The following SEMA3F variants were observed in gnomAD, a reference collection of about 807,000 sequenced individuals.
SEMA3F encodes semaphorin-3F.
In SEMA3F, 30 loss-of-function variants were observed where a neutral mutation model predicts 98.5. The observed-to-expected ratio is 0.30, with a 90% CI of 0.23 to 0.41. The LOEUF is 0.41. Among genes scored for constraint, SEMA3F ranks in the 10% least tolerant of loss-of-function variants. The pLI is 1.00. For missense variants in SEMA3F, 866 were observed against 1,119.3 expected, an observed-to-expected ratio of 0.77 and a Z score of 3.23; for synonymous variants, 380 against 444.8, an observed-to-expected ratio of 0.85 and a Z score of 1.83.
rs541227214 is a variant in SEMA3F, at chr3:50,158,534, C to T, written c.-48-1041C>T. 4.5e-4 allele frequency among the ~76,000 whole-genome samples: 68 copies of T among 152,322 alleles called. No homozygotes were observed. Among genetic ancestry groups the T allele is most frequent in the African/African-American group, 1.6e-3 (66 of 41,574 alleles). ...GGGGAGTCCCAGGCCATAGTACTGC[C>T]AACTCCCATCCCAGCATCCTAGAGA... On this transcript the variant is annotated intron_variant, in intron 1 of 18. Coordinates refer to ENST00000002829, the MANE Select transcript of SEMA3F (RefSeq NM_004186.5). The surrounding 1 kb of genome is among the most constrained non-coding windows in gnomAD (Gnocchi z 4.8).
In SEMA3F at chr3:50,187,914, C is replaced by T. The variant is rs758070625; in HGVS notation, c.2157C>T (p.Gly719=). ...CCATGAGCGCCCCGCCACCCCCAGG[C>T]GCAGGCCCCCCAACGCCTCCTTACC... ...PLSMSAPPPP[G]AGPPTPPYQE... Residue 719 remains glycine (G), a synonymous_variant, in exon 19 of 19, where the codon GGC becomes GGT. Coordinates refer to ENST00000002829, the MANE Select transcript of SEMA3F (RefSeq NM_004186.5). 27 of 1,608,216 alleles carry T rather than the reference C, an allele frequency of 1.7e-5. No homozygotes were observed. Among genetic ancestry groups the T allele is most frequent in the Non-Finnish European group, 2.2e-5 (26 of 1,177,110 alleles).
At chr3:50,183,793 AGGGTCCTCTGT>A (rs1559737300) in intron 12 of SEMA3F, among the ~76,000 whole-genome samples, 2 of 152,100 alleles carry the variant, frequency 1.3e-5, no homozygotes, top group Admixed American at 1.3e-4. Context: ...TGCTCCTCAG[AGGGTCCTCTGT>A]GGGGCTGTTT....
chr3:50,160,103 C>G, intron 2 of SEMA3F, among the ~76,000 whole-genome samples: 1 of 152,190 alleles, frequency 6.6e-6, no homozygotes, highest in East Asian at 1.9e-4. Context: ...TGCTATGCAT[C>G]TGGTCCTGCC....
At chr3:50,164,379 G>A (rs1698326769) in intron 2 of SEMA3F, among the ~76,000 whole-genome samples, 1 of 152,234 alleles carries the variant, frequency 6.6e-6, no homozygotes, top group African/African-American at 2.4e-5. Flanking sequence ...AATCTCACCA[G>A]CCCATAAAGG....
rs571485115 is a variant in SEMA3F at position 50,178,585 on chromosome 3, G to T, written c.643+1724G>T. Reference sequence around the variant, plus strand: ...AAAAATACAAAAATTAGCCAGGTGTGGTGGTGTGCACCTGTAATCCCAGCT... The same window carrying T: ...AAAAATACAAAAATTAGCCAGGTGTTGTGGTGTGCACCTGTAATCCCAGCT... On this transcript the variant is annotated intron_variant, in intron 7 of 18. Transcript: ENST00000002829. 7.9e-5 allele frequency among the ~76,000 whole-genome samples: 12 copies of T among 151,556 alleles called. No individual in the cohort carries two copies. In the East Asian group the frequency reaches 2.4e-3, roughly 31 times the overall value.
rs115293747 is a variant in SEMA3F at position 50,169,548 on chromosome 3, G to A, written c.113-4245G>A. Among the ~76,000 whole-genome samples, 1,058 of 152,282 alleles carry A rather than the reference G, an allele frequency of 6.9e-3. 8 individuals carry two copies. The highest frequency in any genetic ancestry group is 0.024 in the African/African-American group (987 of 41,540). ...CTGGGTGAGAGTATGGGGGTGGGGA[G>A]CCCTTCCCAGGAGACAGCACCCAGG... On this transcript the variant is annotated intron_variant, in intron 2 of 18. Coordinates refer to ENST00000002829, the MANE Select transcript of SEMA3F (RefSeq NM_004186.5).
At chr3:50,180,840 G>T (rs924292411) in intron 7 of SEMA3F, among the ~76,000 whole-genome samples, 10 of 152,166 alleles carry the variant, frequency 6.6e-5, no homozygotes, top group Non-Finnish European at 7.3e-5. Flanking sequence ...GCCGAGGCAG[G>T]TGGATCACCT....
In SEMA3F at chr3:50,188,495, ATG is replaced by A. The variant is rs1012729896; in HGVS notation, c.*386_*387del. ...GGGCACGGACTGTCCACCTTTTCTGATGTGTGTTGTCAGCCTGTGCTGTGGCA... is the reference window on the plus strand; with the variant it reads ...GGGCACGGACTGTCCACCTTTTCTGATGTGTTGTCAGCCTGTGCTGTGGCA... On this transcript the variant is annotated 3_prime_UTR_variant, in exon 19 of 19. Coordinates refer to ENST00000002829, the MANE Select transcript of SEMA3F (RefSeq NM_004186.5). The surrounding 1 kb of genome is among the most constrained non-coding windows in gnomAD (Gnocchi z 4.5). 7.9e-5 allele frequency: 12 copies of A among 152,414 alleles called. No individual in the cohort carries two copies. Among genetic ancestry groups the A allele is most frequent in the African/African-American group, 2.9e-4 (12 of 41,540 alleles). 9.4% of individuals were successfully genotyped at this position (152,414 alleles called of 1,614,324 possible). A position where few individuals can be genotyped will look rare whatever the true frequency, so the allele number is the denominator to read the frequency against.
chr3:50,186,522 G>C (rs910957701), intron 17 of SEMA3F, 91 bp from the exon 18 acceptor site: 12 of 1,500,498 alleles, frequency 8.0e-6, no homozygotes, highest in Non-Finnish European at 9.1e-7. Context: ...CACTACATTG[G>C]TGAGTGGGTG....
chr3:50,183,082 C>T (rs1024121549), intron 10 of SEMA3F, 64 bp downstream of exon 10: 31 of 1,568,980 alleles, frequency 2.0e-5, no homozygotes, highest in Admixed American at 5.0e-5. Flanking sequence ...GCGGGATGGG[C>T]GATCAGGGTG....
Position 50,182,077 on chromosome 3 carries a change from G to A in SEMA3F, c.644-207G>A, listed in dbSNP as rs552383358. On this transcript the variant is annotated intron_variant, in intron 7 of 18. Coordinates refer to ENST00000002829, the MANE Select transcript of SEMA3F (RefSeq NM_004186.5). The surrounding 1 kb of genome is among the most constrained non-coding windows in gnomAD (Gnocchi z 4.5). Reference sequence around the variant, plus strand: ...AGGAGTATTCACACCACAGAAATGGGCTATTGCTACTAATCAGAGCTGATA... The same window carrying A: ...AGGAGTATTCACACCACAGAAATGGACTATTGCTACTAATCAGAGCTGATA... Among the ~76,000 whole-genome samples the A allele has an allele frequency of 6.6e-6, 1 of 152,324 alleles. No homozygotes were observed. Among genetic ancestry groups the A allele is most frequent in the East Asian group, 1.9e-4 (1 of 5,194 alleles).
At chr3:50,177,980 A>G (rs1204072683) in intron 7 of SEMA3F, among the ~76,000 whole-genome samples, 1 of 152,226 alleles carries the variant, frequency 6.6e-6, no homozygotes, top group Non-Finnish European at 1.5e-5. Context: ...GGTGGCTCAC[A>G]CCTATAATTC....
chr3:50,187,925 C>T lies in SEMA3F; in HGVS notation c.2168C>T (p.Pro723Leu). 1 of 1,608,468 alleles carries T rather than the reference C, an allele frequency of 6.2e-7. No homozygotes were observed. The highest frequency in any genetic ancestry group is 8.5e-7 in the Non-Finnish European group (1 of 1,177,442). ...CCGCCACCCCCAGGCGCAGGCCCCC[C>T]AACGCCTCCTTACCAGGAGTTAGCC... is the stretch of plus-strand genomic sequence containing the variant. The part of the protein sequence containing the change: ...SAPPPPGAGP[P>L]TPPYQELAQL... Residue 723 changes from proline (P) to leucine (L), a missense_variant, in exon 19 of 19, where the codon CCA becomes CTA. Around this residue, in one of 3 missense-constraint regions of SEMA3F, gnomAD observed 245 missense variants for 260.5 expected, o/e 0.94. Transcript: ENST00000002829.
Position 50,186,288 on chromosome 3 carries a change from C to T in SEMA3F, c.1753C>T (p.Arg585Cys), listed in dbSNP as rs766306228. 4.3e-6 allele frequency: 7 copies of T among 1,613,566 alleles called. No homozygotes were observed. Among genetic ancestry groups the T allele is most frequent in the Admixed American group, 1.7e-5 (1 of 59,976 alleles). ...GGGGCTATCCTCATCCAGGCGGAGC[C>T]GCCGGCAGGACGTCCGGCACGGAAA... is the stretch of plus-strand genomic sequence containing the variant. ...RYTASSKRRS[R>C]RQDVRHGNPI... is the part of the protein sequence containing the mutation. Residue 585 changes from arginine to cysteine, a missense_variant, in exon 17 of 19, where the codon CGC becomes TGC. This residue lies in a region of SEMA3F where 374 missense variants were observed against 582.8 expected (regional missense o/e 0.64). Coordinates refer to ENST00000002829, the MANE Select transcript of SEMA3F (RefSeq NM_004186.5).
chr3:50,186,739 G>T lies in SEMA3F; in HGVS notation c.1940G>T (p.Arg647Leu). Reference sequence around the variant, plus strand: ...TTCCAGCGAGATCCTGGTGACCGGCGCCGAGAGGTGAGTTCCTGCGCCCGG... The same window carrying T: ...TTCCAGCGAGATCCTGGTGACCGGCTCCGAGAGGTGAGTTCCTGCGCCCGG... ...WLFQRDPGDR[R>L]REIRAEDRFL... The change falls in exon 18 of 19, where the codon CGC (arginine) becomes CTC (leucine). Residue 647 changes from arginine (R) to leucine (L), a missense_variant. Physicochemically the swap from Arg to Leu is moderately radical, Grantham distance 102. Around this residue, in one of 3 missense-constraint regions of SEMA3F, gnomAD observed 245 missense variants for 260.5 expected, o/e 0.94. Transcript: ENST00000002829. 6.3e-7 allele frequency: 1 copy of T among 1,599,532 alleles called. No homozygotes were observed.
intron 13 of SEMA3F, 23 bp from the exon 14 acceptor site, chr3:50,185,420 A>G: frequency 6.3e-7 from 1 of 1,581,476 alleles, no homozygotes; most frequent in Non-Finnish European, 8.7e-7. Flanking sequence ...AGCCCCACTG[A>G]GGCCCTGCCC....
rs373608948 is a variant in SEMA3F, at chr3:50,174,199, G to C, written c.337-32G>C. The C allele has an allele frequency of 1.9e-6, 3 of 1,613,552 alleles. No individual in the cohort carries two copies. In the African/African-American group the frequency reaches 4.0e-5, roughly 22 times the overall value. On this transcript the variant is annotated intron_variant, in intron 4 of 18. Transcript: ENST00000002829. ...CCCAGTGAGGGGGCAGGCCTGGCCA[G>C]GGCACCTATGCAGCCTTCCCTGTGG... is the stretch of plus-strand genomic sequence containing the variant.
chr3:50,188,175 A>ATATC lies in SEMA3F; in HGVS notation c.*63_*64insCTAT. Reference sequence around the variant, plus strand: ...GCCCTTGTCCCTTTTAATATAAAAGATATATATATATATATATATATATAA... The same window carrying ATATC: ...GCCCTTGTCCCTTTTAATATAAAAGATATCTATATATATATATATATATATATAA... On this transcript the variant is annotated 3_prime_UTR_variant, in exon 19 of 19. Coordinates refer to ENST00000002829, the MANE Select transcript of SEMA3F (RefSeq NM_004186.5). The surrounding 1 kb of genome is among the most constrained non-coding windows in gnomAD (Gnocchi z 4.5). The ATATC allele has an allele frequency of 4.9e-6, 1 of 205,410 alleles. No individual in the cohort carries two copies. Among genetic ancestry groups the ATATC allele is most frequent in the Non-Finnish European group, 6.8e-6 (1 of 146,810 alleles). 12.7% of individuals were successfully genotyped at this position (205,410 alleles called of 1,614,324 possible).
At chr3:50,183,824 A>G (rs557711636) in intron 12 of SEMA3F, among the ~76,000 whole-genome samples, 1 of 152,228 alleles carries the variant, frequency 6.6e-6, no homozygotes, top group Admixed American at 6.5e-5. Context: ...TGGGAGCTGA[A>G]GGTTGGGGGG....
Sources: allele counts gnomAD v4.1 joint callset (sites outside exome capture counted in the v4.1 genomes callset), GRCh38; gene constraint gnomAD v4.1.1; regional missense constraint gnomAD v4.1.1; non-coding constraint Gnocchi (gnomAD v3.1); transcripts MANE v1.5; gene names NCBI Gene and HGNC (gene_info 2026-07-23, HGNC 2026-07-21).